EXO1: variants seen among roughly 807,000 people sequenced by gnomAD.
EXO1 encodes the protein exonuclease 1.
Under a neutral mutation model 84.5 loss-of-function variants are expected in EXO1, and 69 were observed. The ratio of observed to expected loss-of-function variants is 0.82; its 90% confidence interval spans 0.67 to 1.00. The LOEUF (loss-of-function observed/expected upper bound fraction) is 1.00. Ranked by LOEUF, EXO1 falls within the 50% of genes least tolerant of loss-of-function variation. The pLI is 0.00. For synonymous variants in EXO1, 373 were observed against 366.1 expected (o/e 1.02, Z -0.21); for missense variants, 1,045 against 1,000.7 (o/e 1.04, Z -0.60).
chr1:241,879,458 A>T, intron 13 of EXO1, 115 bp downstream of exon 13: 1 of 658,312 alleles, frequency 1.5e-6, no homozygotes, highest in Non-Finnish European at 2.6e-6. Flanking sequence ...TTATTTTTTC[A>T]TTCTAAACTC....
rs1272616764 is a variant in EXO1, at chr1:241,868,896, GATGGT to G, written c.1267+1844_1267+1848del. Among the ~76,000 whole-genome samples the G allele has an allele frequency of 9.9e-5, 15 of 152,190 alleles. No individual in the cohort carries two copies. In the South Asian group the frequency reaches 2.9e-3, roughly 30 times the overall value. ...CAGTTTTGTTTTCTAGTTGTTCATT[GATGGT>G]ATATAGAAATACCATTGATTTTTGT... is the stretch of plus-strand genomic sequence containing the variant. On this transcript the variant is annotated intron_variant, in intron 11 of 15. Transcript: ENST00000366548.
In EXO1 at chr1:241,853,456, A is replaced by G. The variant is rs768005950; in HGVS notation, c.380A>G (p.His127Arg). The G allele has an allele frequency of 1.9e-5, 30 of 1,614,114 alleles. No homozygotes were observed. The highest frequency in any genetic ancestry group is 2.5e-5 in the Non-Finnish European group (29 of 1,180,008). The change falls in exon 6 of 16, where the codon CAT becomes CGT. Residue 127 changes from histidine (H) to arginine (R), a missense_variant. Transcript: ENST00000366548. ...ECFTRSINIT[H>R]AMAHKVIKAA... Reference sequence around the variant, plus strand: ...TTCACCCGGTCTATCAATATCACACATGCCATGGCCCACAAAGTAATTAAA... The same window carrying G: ...TTCACCCGGTCTATCAATATCACACGTGCCATGGCCCACAAAGTAATTAAA...
chr1:241,866,315 T>C (rs1661722232), intron 10 of EXO1, among the ~76,000 whole-genome samples: 2 of 152,146 alleles, frequency 1.3e-5, no homozygotes, highest in South Asian at 2.1e-4. Context: ...GGTTTCACCA[T>C]GTTGGCAAGG....
intron 12 of EXO1, among the ~76,000 whole-genome samples, chr1:241,875,637 G>A (rs1324017160): frequency 6.6e-6 from 1 of 152,182 alleles, no homozygotes; most frequent in Non-Finnish European, 1.5e-5. Context: ...CCAGCACTTT[G>A]GGAGGCCAAG....
chr1:241,857,570 AT>A, intron 7 of EXO1, 88 bp downstream of exon 7: 2 of 573,174 alleles, frequency 3.5e-6, no homozygotes, highest in Non-Finnish European at 5.5e-6. Context: ...CCAGGAAATT[AT>A]GATAATTTAT....
chr1:241,854,678 G>A (rs2148397618), intron 6 of EXO1: 1 of 153,046 alleles, frequency 6.5e-6, no homozygotes, highest in Admixed American at 6.5e-5. Flanking sequence ...TGCGGAAGTA[G>A]AGGAGAAACC....
chr1:241,858,908 G>A (rs1444940963), intron 8 of EXO1, among the ~76,000 whole-genome samples, 190 bp downstream of exon 8: 5 of 152,158 alleles, frequency 3.3e-5, no homozygotes, highest in African/African-American at 1.2e-4. Flanking sequence ...CATGTTTTCT[G>A]CAATTGGCAA....
At position 241,879,336 on chromosome 1, in the gene EXO1, A is replaced by T; in HGVS notation, c.2102A>T (p.Asp701Val). ...KLSQCSSKDS[D>V]SEESDCNIKL... ...TCTCAGTGCTCTAGTAAGGACTCTGATTCAGAGGTAAGTCAAATCCTGAAG... is the reference window on the plus strand; with the variant it reads ...TCTCAGTGCTCTAGTAAGGACTCTGTTTCAGAGGTAAGTCAAATCCTGAAG... The change falls in exon 13 of 16, where the codon GAT becomes GTT. Residue 701 changes from aspartate (D) to valine (V), a missense_variant. Transcript: ENST00000366548. 4 of 1,581,350 alleles carry T rather than the reference A, an allele frequency of 2.5e-6. No individual in the cohort carries two copies. Among genetic ancestry groups the T allele is most frequent in the Non-Finnish European group, 3.5e-6 (4 of 1,152,736 alleles).
intron 9 of EXO1, 58 bp downstream of exon 9, chr1:241,860,762 GTGA>G: frequency 6.9e-7 from 1 of 1,446,402 alleles, no homozygotes; most frequent in East Asian, 2.3e-5. Flanking sequence ...TATTTTTATG[GTGA>G]TTTTTTTGTG....
At chr1:241,888,002 A>C (rs1663162885) in intron 15 of EXO1, among the ~76,000 whole-genome samples, 1 of 152,162 alleles carries the variant, frequency 6.6e-6, no homozygotes, top group South Asian at 2.1e-4. Flanking sequence ...CTTTTACTTG[A>C]GGTAAACTAT....
At chr1:241,879,465 A>G in intron 13 of EXO1, 122 bp downstream of exon 13, 1 of 645,256 alleles carries the variant, frequency 1.5e-6, no homozygotes, top group African/African-American at 1.8e-5. Flanking sequence ...TTCATTCTAA[A>G]CTCTACTGTG....
At chr1:241,883,104 CT>C (rs1448353800) in intron 14 of EXO1, among the ~76,000 whole-genome samples, 1 of 152,026 alleles carries the variant, frequency 6.6e-6, no homozygotes, top group Non-Finnish European at 1.5e-5. Context: ...GAATTTTTTT[CT>C]GTTCTTTTTC....
At chr1:241,887,107 A>G (rs1663110210) in intron 15 of EXO1, among the ~76,000 whole-genome samples, 1 of 152,240 alleles carries the variant, frequency 6.6e-6, no homozygotes, top group Admixed American at 6.5e-5. Flanking sequence ...GATAGTGTAG[A>G]ATATGAAACC....
At chr1:241,879,779 C>T (rs570912975) in intron 13 of EXO1, among the ~76,000 whole-genome samples, 179 of 152,084 alleles carry the variant, frequency 1.2e-3, no homozygotes, top group African/African-American at 4.2e-3. Flanking sequence ...CCGAGGCGAG[C>T]GGATCACTTG....
intron 6 of EXO1, chr1:241,854,459 G>C (rs1367944698): frequency 6.6e-6 from 1 of 152,214 alleles, no homozygotes; most frequent in East Asian, 1.9e-4. Context: ...GATGGTAAAG[G>C]TGAAGTCAGC....
chr1:241,858,630 G>A lies in EXO1; in HGVS notation c.668G>A (p.Gly223Asp). Residue 223 changes from glycine (G) to aspartate (D), a missense_variant, in exon 8 of 16, where the codon GGT becomes GAT. By Grantham distance (94) the Gly-to-Asp change is moderately conservative (BLOSUM62 -1). Coordinates refer to ENST00000366548, the MANE Select transcript of EXO1 (RefSeq NM_130398.4). The part of the protein sequence containing the change: ...EKFRYMCILS[G>D]CDYLSSLRGI... ...TTTCGTTACATGTGTATTCTTTCAG[G>A]TTGTGACTACCTGTCATCACTGCGT... The A allele has an allele frequency of 1.9e-6, 3 of 1,614,056 alleles. No individual in the cohort carries two copies. Among genetic ancestry groups the A allele is most frequent in the Non-Finnish European group, 2.5e-6 (3 of 1,179,958 alleles).
In EXO1 at chr1:241,860,601, A is replaced by G; in HGVS notation, c.841A>G (p.Thr281Ala). 1 of 1,613,694 alleles carries G rather than the reference A, an allele frequency of 6.2e-7. No individual in the cohort carries two copies. The highest frequency in any genetic ancestry group is 8.5e-7 in the Non-Finnish European group (1 of 1,179,624). Reference sequence around the variant, plus strand: ...CAACGGGTTTATTCGGGCCAACAATACCTTCCTCTATCAGCTAGTTTTTGA... The same window carrying G: ...CAACGGGTTTATTCGGGCCAACAATGCCTTCCTCTATCAGCTAGTTTTTGA... Reference protein sequence around the residue: ...YINGFIRANNTFLYQLVFDPI... With the variant: ...YINGFIRANNAFLYQLVFDPI... Residue 281 changes from threonine to alanine, a missense_variant, in exon 9 of 16, where the codon ACC (threonine) becomes GCC (alanine). Physicochemically the swap from Thr to Ala is moderately conservative, Grantham distance 58. Transcript: ENST00000366548.
At chr1:241,855,746 C>CGCGAGAAATAGAGCGCAGCGCCGGTGG (rs1475164535) in intron 6 of EXO1, among the ~76,000 whole-genome samples, 25 of 152,232 alleles carry the variant, frequency 1.6e-4, no homozygotes, top group Admixed American at 3.3e-4. Flanking sequence ...GCTAAGGCCC[C>CGCGAGAAATAGAGCGCAGCGCCGGTGG]GCGAGAAATA....
At chr1:241,871,656 G>A (rs1574163990) in intron 11 of EXO1, among the ~76,000 whole-genome samples, 1 of 152,100 alleles carries the variant, frequency 6.6e-6, no homozygotes, top group African/African-American at 2.4e-5. Context: ...ACATTTTAAC[G>A]ATTGATCATT....
Sources: allele counts gnomAD v4.1 joint callset (sites outside exome capture counted in the v4.1 genomes callset), GRCh38; gene constraint gnomAD v4.1.1; transcripts MANE v1.5; gene names NCBI Gene and HGNC (gene_info 2026-07-23, HGNC 2026-07-21).